DLG3: variants seen among roughly 807,000 people sequenced by gnomAD.
The protein encoded by DLG3 is disks large homolog 3.
Under a neutral mutation model 64.1 loss-of-function variants are expected in DLG3, and 1 was observed. The observed-to-expected ratio is 0.02, with a 90% CI of 0.01 to 0.07. The LOEUF (loss-of-function observed/expected upper bound fraction) is 0.07, where lower values mean the gene tolerates loss of function less well. Among genes scored for constraint, DLG3 ranks in the 10% least tolerant of loss-of-function variants. The pLI is 1.00. For synonymous variants in DLG3, 245 were observed against 259.8 expected, an observed-to-expected ratio of 0.94 and a Z score of 0.55; for missense variants, 429 against 669.5, an observed-to-expected ratio of 0.64 and a Z score of 3.96.
At chrX:70,496,672 G>C (rs1569295258) in intron 13 of DLG3, among the ~76,000 whole-genome samples, 1 of 112,436 alleles carries the variant, frequency 8.9e-6, no homozygotes. Flanking sequence ...GGAGCCCACC[G>C]AATGGTCAGA....
chrX:70,489,678 C>A (rs2087322393), intron 10 of DLG3, among the ~76,000 whole-genome samples: 1 of 111,501 alleles, frequency 9.0e-6, no homozygotes, highest in Non-Finnish European at 1.9e-5. Flanking sequence ...TTCCCGGCAT[C>A]TAGAAAACAT....
chrX:70,501,133 C>A, intron 18 of DLG3, 144 bp downstream of exon 18: 2 of 495,593 alleles, frequency 4.0e-6, no homozygotes, highest in Admixed American at 3.3e-5. Flanking sequence ...ACAAACCTTT[C>A]CAAAGCACAC....
intron 6 of DLG3, 77 bp from the exon 7 acceptor site, chrX:70,451,789 TG>T: frequency 8.9e-7 from 1 of 1,124,193 alleles, no homozygotes; most frequent in Non-Finnish European, 1.2e-6. Flanking sequence ...AAGTGGGGTG[TG>T]GGGGAAAGTC....
Position 70,482,660 on chromosome X carries a change from G to GTTTT in DLG3, c.1520+3397_1520+3398insTTTT, listed in dbSNP as rs200729766. On this transcript the variant is annotated intron_variant, in intron 10 of 18. Transcript: ENST00000374360. ...TCAGGTTTGGGAAAATACATGTGTGGTGTTTTTTTTTTTTTTTTTTTTTTT... is the reference window on the plus strand; with the variant it reads ...TCAGGTTTGGGAAAATACATGTGTGGTTTTTGTTTTTTTTTTTTTTTTTTTTTTT... Among the ~76,000 whole-genome samples, 254 of 69,206 alleles carry GTTTT rather than the reference G, an allele frequency of 3.7e-3. 18 individuals carry two copies. The highest frequency in any genetic ancestry group is 9.4e-3 in the African/African-American group (152 of 16,109). The allele number at this position is 69,206 out of a possible 115,157, so 60.1% of individuals were successfully genotyped here. A position where few individuals can be genotyped will look rare whatever the true frequency, so the allele number is the denominator to read the frequency against.
intron 10 of DLG3, among the ~76,000 whole-genome samples, chrX:70,480,299 A>G (rs1008624820): frequency 4.5e-5 from 5 of 112,237 alleles, no homozygotes; most frequent in Non-Finnish European, 7.5e-5. Context: ...TGAGAGGACA[A>G]TAGTGAAGGG....
At chrX:70,446,625 G>A (rs1180977762) in intron 1 of DLG3, among the ~76,000 whole-genome samples, 1 of 112,690 alleles carries the variant, frequency 8.9e-6, no homozygotes, top group Non-Finnish European at 1.9e-5. Context: ...GGAGCCCCTG[G>A]GTGCTGGGCA....
At chrX:70,446,079 C>T (rs1196253659) in intron 1 of DLG3, among the ~76,000 whole-genome samples, 1 of 110,754 alleles carries the variant, frequency 9.0e-6, no homozygotes, top group East Asian at 2.8e-4. Context: ...GCCATGAGTC[C>T]CTCTCCGTCC....
At chrX:70,450,858 C>T in intron 6 of DLG3, 75 bp downstream of exon 6, 1 of 1,171,109 alleles carries the variant, frequency 8.5e-7, no homozygotes, top group Non-Finnish European at 1.2e-6. Context: ...AGTTCATACC[C>T]TTTGTTAAGA....
At chrX:70,454,966 A>G (rs994039261) in intron 9 of DLG3, 1 of 682,316 alleles carries the variant, frequency 1.5e-6, no homozygotes, top group African/African-American at 2.4e-5. Context: ...CCAGGTGCCG[A>G]GGTGAGCCGC....
intron 12 of DLG3, among the ~76,000 whole-genome samples, chrX:70,494,047 C>T: frequency 8.9e-6 from 1 of 112,203 alleles, no homozygotes. Flanking sequence ...CCTAGAGTGC[C>T]TACAGAGCCA....
intron 9 of DLG3, among the ~76,000 whole-genome samples, chrX:70,459,546 C>A (rs762255336): frequency 8.9e-6 from 1 of 111,910 alleles, no homozygotes; most frequent in East Asian, 2.8e-4. Flanking sequence ...TAAAAGAAGG[C>A]AAGGTAAGGA....
At chrX:70,502,121 C>G (rs1439573947) in intron 18 of DLG3, 42 bp from the exon 19 acceptor site, 9 of 1,023,222 alleles carry the variant, frequency 8.8e-6, no homozygotes, top group Non-Finnish European at 1.2e-5. Context: ...GGGGGATGTG[C>G]TATGGACCAC....
rs57237102 is a variant in DLG3 at position 70,462,046 on chromosome X, C to G, written c.1405+7730C>G. On this transcript the variant is annotated intron_variant, in intron 9 of 18. Transcript: ENST00000374360. ...CATTAGCAATCACTCCTCATCCCCC[C>G]CCCACCGCCCCCCCAGCCCTAGGCA... Among the ~76,000 whole-genome samples, 49 of 89,992 alleles carry G rather than the reference C, an allele frequency of 5.4e-4. No homozygotes were observed. The Middle Eastern group carries it at 0.016, about 30-fold the overall frequency. The allele number at this position is 89,992 out of a possible 115,157, so 78.1% of individuals were successfully genotyped here.
intron 13 of DLG3, among the ~76,000 whole-genome samples, chrX:70,496,448 C>T (rs1019946092): frequency 1.6e-4 from 18 of 112,743 alleles, no homozygotes; most frequent in African/African-American, 5.5e-4. Context: ...CTCCTACGAG[C>T]GCTGCTCCTC....
At chrX:70,491,987 C>T in intron 10 of DLG3, 120 bp from the exon 11 acceptor site, 1 of 720,034 alleles carries the variant, frequency 1.4e-6, no homozygotes, top group African/African-American at 2.1e-5. Flanking sequence ...AGACATCCTT[C>T]TAGTATACTG....
intron 9 of DLG3, among the ~76,000 whole-genome samples, chrX:70,463,442 A>G (rs150261688): frequency 0.046 from 5,073 of 110,685 alleles, 145 homozygotes; most frequent in East Asian, 0.19. Context: ...CCACTGTGCC[A>G]AGCCTGAGAA....
At chrX:70,453,073 C>A in intron 7 of DLG3, 1 of 223,671 alleles carries the variant, frequency 4.5e-6, no homozygotes, top group Non-Finnish European at 8.0e-6. Flanking sequence ...GGCGCTGCAA[C>A]CCCCTGGGGC....
At chrX:70,468,922 AG>A (rs903002748) in intron 9 of DLG3, among the ~76,000 whole-genome samples, 1 of 111,675 alleles carries the variant, frequency 9.0e-6, no homozygotes, top group African/African-American at 3.3e-5. Flanking sequence ...CATAATTAGA[AG>A]GGATCTTAGA....
intron 7 of DLG3, chrX:70,453,259 C>T (rs964464705): frequency 1.1e-5 from 2 of 187,968 alleles, no homozygotes; most frequent in African/African-American, 6.0e-5. Context: ...ACTGCTTCCT[C>T]TTCTTGTGGT....
Sources: gnomAD v4.1 joint callset for allele counts (sites outside exome capture counted in the v4.1 genomes callset) on GRCh38, gnomAD v4.1.1 for gene constraint, MANE v1.5 for transcripts, NCBI Gene and HGNC (gene_info 2026-07-23, HGNC 2026-07-21) for gene names.